The following DEPDC1B variants were observed in gnomAD, a reference collection of about 807,000 sequenced individuals.
DEPDC1B encodes DEP domain-containing protein 1B.
In DEPDC1B, 51 loss-of-function variants were observed where a neutral mutation model predicts 66.5. The ratio of observed to expected loss-of-function variants is 0.77; its 90% CI spans 0.61 to 0.97. The LOEUF is 0.97. Ranked by LOEUF, DEPDC1B falls within the 50% of genes least tolerant of loss-of-function variation. The pLI is 0.00. For synonymous variants in DEPDC1B, 226 were observed against 223.6 expected (o/e 1.01, Z -0.10); for missense variants, 552 against 637.1 (o/e 0.87, Z 1.44).
chr5:60,682,730 T>C lies in DEPDC1B; in HGVS notation c.314+4232A>G, dbSNP rs76434663. Among the ~76,000 whole-genome samples the C allele has an allele frequency of 7.0e-3, 1,059 of 152,232 alleles. 10 individuals carry two copies. Among genetic ancestry groups the C allele is most frequent in the African/African-American group, 0.024 (996 of 41,544 alleles). On this transcript the variant is annotated intron_variant, in intron 2 of 10. Coordinates refer to ENST00000265036, the MANE Select transcript of DEPDC1B (RefSeq NM_018369.3). Reference sequence around the variant, plus strand: ...CATAGACACATGTAACTTACCATGATTGAACCAGAAATAAATAGAAAATCT... The same window carrying C: ...CATAGACACATGTAACTTACCATGACTGAACCAGAAATAAATAGAAAATCT...
intron 1 of DEPDC1B, among the ~76,000 whole-genome samples, chr5:60,691,325 A>T (rs1754540502): frequency 6.6e-6 from 1 of 151,798 alleles, no homozygotes; most frequent in African/African-American, 2.4e-5. Context: ...AAGTGCTGGG[A>T]TTACAGGCAT....
At chr5:60,614,132 T>C (rs1752483152) in intron 7 of DEPDC1B, among the ~76,000 whole-genome samples, 1 of 152,288 alleles carries the variant, frequency 6.6e-6, no homozygotes, top group African/African-American at 2.4e-5. Flanking sequence ...TCTGAACTTG[T>C]TTGTTTAAAC....
At chr5:60,699,966 C>G in intron 1 of DEPDC1B, 80 bp downstream of exon 1, 2 of 1,512,078 alleles carry the variant, frequency 1.3e-6, no homozygotes, top group Non-Finnish European at 1.8e-6. Flanking sequence ...GAAGCGAAGA[C>G]TGACAAGCAC....
intron 2 of DEPDC1B, among the ~76,000 whole-genome samples, chr5:60,685,908 G>C (rs1293314836): frequency 6.6e-6 from 1 of 152,154 alleles, no homozygotes; most frequent in Non-Finnish European, 1.5e-5. Flanking sequence ...TAACCACCAA[G>C]TGGACAGATG....
intron 7 of DEPDC1B, chr5:60,628,675 A>G (rs1752854548): frequency 6.6e-6 from 1 of 152,190 alleles, no homozygotes; most frequent in East Asian, 1.9e-4. Flanking sequence ...ACCATTGGAA[A>G]TTGTTTAAAA....
chr5:60,616,329 T>C (rs1752553589), intron 7 of DEPDC1B, among the ~76,000 whole-genome samples: 2 of 151,976 alleles, frequency 1.3e-5, no homozygotes, highest in African/African-American at 4.8e-5. Context: ...AGGCTTCAGA[T>C]GATCAAACTA....
chr5:60,606,775 C>T (rs1255765339), intron 7 of DEPDC1B, among the ~76,000 whole-genome samples: 2 of 151,416 alleles, frequency 1.3e-5, no homozygotes, highest in African/African-American at 4.9e-5. Context: ...ACAGCAAGAC[C>T]TGTCTCTTTT....
rs1326477542 is a variant in DEPDC1B at position 60,599,231 on chromosome 5, G to A, written c.1272C>T (p.Ile424=). 1 of 1,609,436 alleles carries A rather than the reference G, an allele frequency of 6.2e-7. No individual in the cohort carries two copies. The highest frequency in any genetic ancestry group is 2.2e-5 in the East Asian group (1 of 44,806). The stretch of plus-strand genomic sequence containing the variant: ...GGCAAAATGATGGAGCAGATAAAGT[G>A]ATATCCATATCAGCTCCTGGGTATT... ...QIKYPGADMD[I]TLSAPSFCRQ... The change falls in exon 10 of 11, where the codon ATC becomes ATT. Residue 424 remains isoleucine, a synonymous_variant. Coordinates refer to ENST00000265036, the MANE Select transcript of DEPDC1B (RefSeq NM_018369.3).
intron 2 of DEPDC1B, among the ~76,000 whole-genome samples, chr5:60,670,305 C>T (rs1471672790): frequency 2.0e-5 from 3 of 152,132 alleles, no homozygotes; most frequent in Non-Finnish European, 4.4e-5. Flanking sequence ...ATGGCATGAA[C>T]CCAGGAGGCA....
chr5:60,699,443 G>GAAAAAAGAAAAAA (rs1754728053), intron 1 of DEPDC1B, among the ~76,000 whole-genome samples: 1 of 89,380 alleles, frequency 1.1e-5, no homozygotes, highest in African/African-American at 5.5e-5. Flanking sequence ...TTTTCTCCCA[G>GAAAAAAGAAAAAA]AAAAAAAAAA....
intron 7 of DEPDC1B, among the ~76,000 whole-genome samples, chr5:60,613,156 G>A (rs1316956714): frequency 6.6e-6 from 1 of 152,178 alleles, no homozygotes; most frequent in African/African-American, 2.4e-5. Context: ...AAAATAGGGT[G>A]CTAAGATAGG....
chr5:60,691,839 T>C (rs1351562958), intron 1 of DEPDC1B, among the ~76,000 whole-genome samples: 1 of 152,174 alleles, frequency 6.6e-6, no homozygotes, highest in African/African-American at 2.4e-5. Flanking sequence ...CTTTTGGGTA[T>C]TTGCCCAAAA....
intron 9 of DEPDC1B, among the ~76,000 whole-genome samples, chr5:60,600,186 G>C (rs1752176542): frequency 6.6e-6 from 1 of 152,008 alleles, no homozygotes; most frequent in Admixed American, 6.6e-5. Context: ...GGAAGAGAGG[G>C]GTACTACAAT....
chr5:60,624,558 CA>C (rs1462248750), intron 7 of DEPDC1B, among the ~76,000 whole-genome samples: 1 of 152,082 alleles, frequency 6.6e-6, no homozygotes, highest in Non-Finnish European at 1.5e-5. Flanking sequence ...GACTTTCATA[CA>C]AATGTCATTA....
chr5:60,693,146 A>G (rs1368061914), intron 1 of DEPDC1B, among the ~76,000 whole-genome samples: 1 of 152,142 alleles, frequency 6.6e-6, no homozygotes, highest in Non-Finnish European at 1.5e-5. Flanking sequence ...TTTTCTGTAC[A>G]TTATGCCTAA....
intron 2 of DEPDC1B, among the ~76,000 whole-genome samples, chr5:60,653,618 CTATT>C (rs1434062738): frequency 2.0e-5 from 3 of 152,150 alleles, no homozygotes; most frequent in Middle Eastern, 3.4e-3. Flanking sequence ...TAAGTCCCAT[CTATT>C]TATTTATTTG....
chr5:60,624,406 G>A (rs567614463), intron 7 of DEPDC1B, among the ~76,000 whole-genome samples: 49 of 152,196 alleles, frequency 3.2e-4, no homozygotes, highest in African/African-American at 9.6e-4. Flanking sequence ...CAAATTTAAT[G>A]TATTTTTGCA....
intron 5 of DEPDC1B, 50 bp from the exon 6 acceptor site, chr5:60,642,909 A>G: frequency 7.2e-7 from 1 of 1,393,182 alleles, no homozygotes; most frequent in South Asian, 1.2e-5. Context: ...TCAAGACATC[A>G]TATACATACT....
intron 1 of DEPDC1B, among the ~76,000 whole-genome samples, chr5:60,691,242 T>C (rs1182741595): frequency 1.3e-5 from 2 of 151,698 alleles, no homozygotes; most frequent in African/African-American, 2.4e-5. Flanking sequence ...TTAGTAGAGA[T>C]GAGGTTTCAC....
Sources: gnomAD v4.1 joint callset for allele counts (sites outside exome capture counted in the v4.1 genomes callset) on GRCh38, gnomAD v4.1.1 for gene constraint, MANE v1.5 for transcripts, NCBI Gene and HGNC (gene_info 2026-07-23, HGNC 2026-07-21) for gene names.